Variants in IQGAP1 observed in about 807,000 individuals in gnomAD.
IQGAP1 encodes ras GTPase-activating-like protein IQGAP1.
IQGAP1 carries 66 observed loss-of-function variants against 215.6 expected under a neutral mutation model. That is an observed-to-expected ratio of 0.31 (90% CI 0.25 to 0.38). The LOEUF is 0.38. IQGAP1 is among the 10% of genes least tolerant of loss of function. The pLI is 1.00. For missense variants in IQGAP1, 1,712 were observed against 1,997.1 expected, an observed-to-expected ratio of 0.86 and a Z score of 2.72; for synonymous variants, 772 against 728.7, an observed-to-expected ratio of 1.06 and a Z score of -0.96.
chr15:90,442,633 A>G (rs913872817), intron 8 of IQGAP1, among the ~76,000 whole-genome samples: 4 of 152,066 alleles, frequency 2.6e-5, no homozygotes, highest in African/African-American at 9.7e-5. Context: ...GCCTCTGCCT[A>G]TGTCACCAGT....
chr15:90,403,522 C>G (rs1377262539), intron 2 of IQGAP1, among the ~76,000 whole-genome samples: 1 of 152,028 alleles, frequency 6.6e-6, no homozygotes, highest in Admixed American at 6.6e-5. Context: ...AGTCTATATC[C>G]TTAGTCTTCT....
chr15:90,489,663 T>G (rs1966176180), intron 33 of IQGAP1, among the ~76,000 whole-genome samples: 2 of 152,218 alleles, frequency 1.3e-5, no homozygotes, highest in Admixed American at 6.5e-5. Context: ...CAGAGAACTA[T>G]TTGGAAACCA....
intron 15 of IQGAP1, among the ~76,000 whole-genome samples, chr15:90,456,950 A>G (rs1202163375): frequency 7.0e-6 from 1 of 143,762 alleles, no homozygotes; most frequent in Non-Finnish European, 1.5e-5. Context: ...GTATATATAT[A>G]ATATACGTAT....
intron 2 of IQGAP1, among the ~76,000 whole-genome samples, chr15:90,409,883 A>G (rs1211699495): frequency 6.6e-6 from 1 of 152,034 alleles, no homozygotes; most frequent in East Asian, 1.9e-4. Context: ...TTTGATTTGC[A>G]TTTCTCTGAT....
chr15:90,467,595 A>G lies in IQGAP1; in HGVS notation c.2178+3A>G. 6.2e-7 allele frequency: 1 copy of G among 1,602,532 alleles called. No homozygotes were observed. Among genetic ancestry groups the G allele is most frequent in the Non-Finnish European group, 8.5e-7 (1 of 1,176,620 alleles). On this transcript the variant is annotated splice_donor_region_variant and intron_variant, in intron 18 of 37. Transcript: ENST00000268182. The stretch of plus-strand genomic sequence containing the variant: ...AGCTTTCTCGGGAGGAGATCCAGGT[A>G]GGTTACCTTTCTTCACGTAAGAAGA...
intron 2 of IQGAP1, chr15:90,391,708 C>T (rs1483273166): frequency 1.3e-5 from 2 of 152,214 alleles, no homozygotes; most frequent in African/African-American, 4.8e-5. Context: ...TTTCCTTTTT[C>T]AGATGCCCCA....
Position 90,486,020 on chromosome 15 carries a change from G to A in IQGAP1, c.3922-10G>A, listed in dbSNP as rs1024331911. 1.9e-6 allele frequency: 3 copies of A among 1,605,432 alleles called. No homozygotes were observed. The highest frequency in any genetic ancestry group is 4.5e-5 in the East Asian group (2 of 44,818). On this transcript the variant is annotated splice_polypyrimidine_tract_variant and intron_variant, in intron 30 of 37. Transcript: ENST00000268182. ...AATGTATAAATGGAGTTGATCATTGGTGTTTGCAGCTCCTGTTGGATCACC... is the reference window on the plus strand; with the variant it reads ...AATGTATAAATGGAGTTGATCATTGATGTTTGCAGCTCCTGTTGGATCACC...
chr15:90,487,666 C>A (rs921258181), intron 33 of IQGAP1, 84 bp downstream of exon 33: 1 of 895,962 alleles, frequency 1.1e-6, no homozygotes, highest in Non-Finnish European at 1.8e-6. Context: ...AGGGGAGACA[C>A]AAATAACAGT....
intron 26 of IQGAP1, among the ~76,000 whole-genome samples, chr15:90,479,576 T>TAAA (rs34325733): frequency 6.0e-5 from 8 of 132,650 alleles, no homozygotes; most frequent in African/African-American, 2.2e-4. Context: ...TGTCCCTACT[T>TAAA]AAAAAAAAAA....
In IQGAP1 at chr15:90,406,987, A is replaced by G. The variant is rs376386399; in HGVS notation, c.155+16114A>G. Among the ~76,000 whole-genome samples, 5 of 152,326 alleles carry G rather than the reference A, an allele frequency of 3.3e-5. No individual in the cohort carries two copies. In the East Asian group the frequency reaches 9.6e-4, roughly 29 times the overall value. On this transcript the variant is annotated intron_variant, in intron 2 of 37. Transcript: ENST00000268182. ...TTCCACTGTCCTCTGGACTAATCAG[A>G]GGCTTCCTGAAATTGGTGTTTAGTT...
chr15:90,390,380 G>A (rs1452104775), intron 1 of IQGAP1, among the ~76,000 whole-genome samples: 1 of 152,184 alleles, frequency 6.6e-6, no homozygotes, highest in African/African-American at 2.4e-5. Flanking sequence ...CGTGTAAAAT[G>A]CTTCGTACAA....
intron 2 of IQGAP1, among the ~76,000 whole-genome samples, chr15:90,411,935 C>T (rs528505556): frequency 1.2e-4 from 18 of 152,000 alleles, no homozygotes; most frequent in Middle Eastern, 3.2e-3. Context: ...TAATACACAT[C>T]CCACAAAATC....
intron 19 of IQGAP1, 64 bp downstream of exon 19, chr15:90,473,074 G>A (rs1364111813): frequency 6.8e-7 from 1 of 1,470,990 alleles, no homozygotes; most frequent in East Asian, 2.3e-5. Flanking sequence ...TAAACGGTCA[G>A]CTGTCACCAT....
chr15:90,388,255 C>A lies in IQGAP1; in HGVS notation c.-87C>A. The stretch of plus-strand genomic sequence containing the variant: ...CGGGGCCTCGGGGACCCCGGCAAGC[C>A]CGCGCACTTGGCAGGAGCTGTAGCT... On this transcript the variant is annotated 5_prime_UTR_variant, in exon 1 of 38. Transcript: ENST00000268182. The A allele has an allele frequency of 6.8e-7, 1 of 1,474,438 alleles. No individual in the cohort carries two copies. The highest frequency in any genetic ancestry group is 2.5e-5 in the East Asian group (1 of 39,492). The allele number at this position is 1,474,438 out of a possible 1,614,324, so 91.3% of individuals were successfully genotyped here.
In IQGAP1 at chr15:90,476,673, C is replaced by G; in HGVS notation, c.2795C>G (p.Ser932Cys). ...GGTTTTTGTTTATAGGATGTGGTTT[C>G]CCACAGTAAAAAACTTACCAAAAAA... ...KNKITLQDVV[S>C]HSKKLTKKNK... Residue 932 changes from serine to cysteine, a missense_variant, in exon 24 of 38, where the codon TCC (serine) becomes TGC (cysteine). This residue lies in a region of IQGAP1 where 691 missense variants were observed against 923.0 expected (regional missense o/e 0.75). Transcript: ENST00000268182. 6.3e-7 allele frequency: 1 copy of G among 1,578,192 alleles called. No homozygotes were observed. The highest frequency in any genetic ancestry group is 1.2e-5 in the South Asian group (1 of 84,658).
chr15:90,470,382 T>C (rs770240179), intron 18 of IQGAP1, among the ~76,000 whole-genome samples: 3 of 152,188 alleles, frequency 2.0e-5, no homozygotes, highest in Non-Finnish European at 2.9e-5. Context: ...CAGGATTTAA[T>C]GTCTGTCTGA....
intron 2 of IQGAP1, among the ~76,000 whole-genome samples, chr15:90,419,905 G>A (rs980608318): frequency 2.0e-5 from 3 of 152,186 alleles, no homozygotes; most frequent in Admixed American, 6.5e-5. Flanking sequence ...AGCAAAAGAC[G>A]TGAGGGGGCA....
chr15:90,494,620 G>T, intron 35 of IQGAP1, 93 bp from the exon 36 acceptor site: 1 of 1,082,330 alleles, frequency 9.2e-7, no homozygotes, highest in Non-Finnish European at 1.3e-6. Context: ...ATGTCTGGAA[G>T]TTTGGTTTCT....
At chr15:90,432,100 C>T (rs1448934369) in intron 4 of IQGAP1, among the ~76,000 whole-genome samples, 1 of 152,174 alleles carries the variant, frequency 6.6e-6, no homozygotes, top group Non-Finnish European at 1.5e-5. Context: ...GACTTGCTGA[C>T]ATAAGATAAA....
Sources: allele counts gnomAD v4.1 joint callset (sites outside exome capture counted in the v4.1 genomes callset), GRCh38; gene constraint gnomAD v4.1.1; regional missense constraint gnomAD v4.1.1; transcripts MANE v1.5; gene names NCBI Gene and HGNC (gene_info 2026-07-23, HGNC 2026-07-21).